Variants in METTL15 observed in about 807,000 individuals in gnomAD.
The protein encoded by METTL15 is 12S rRNA N(4)-cytidine methyltransferase METTL15.
In METTL15, 34 loss-of-function variants were observed where a neutral mutation model predicts 38.3. That is an observed-to-expected ratio of 0.89 (90% CI 0.68 to 1.18). The LOEUF (loss-of-function observed/expected upper bound fraction) is 1.18. Among genes scored for constraint, METTL15 ranks in the 50% most tolerant of loss-of-function variants. The pLI is 0.00. For synonymous variants in METTL15, 162 were observed against 170.9 expected (o/e 0.95, Z 0.41); for missense variants, 438 against 498.4 (o/e 0.88, Z 1.15).
At chr11:28,268,023 C>T (rs1855495311) in intron 4 of METTL15, among the ~76,000 whole-genome samples, 3 of 151,408 alleles carry the variant, frequency 2.0e-5, no homozygotes, top group South Asian at 4.2e-4. Flanking sequence ...CGGTGAAACC[C>T]CGTCTCTACT....
At chr11:28,367,682 T>C (rs933659207) in intron 5 of METTL15, among the ~76,000 whole-genome samples, 72 of 152,134 alleles carry the variant, frequency 4.7e-4, no homozygotes, top group Non-Finnish European at 1.2e-4. Context: ...GGCATCGTGC[T>C]ACCTGACTTC....
chr11:28,286,864 C>A (rs1288879332), intron 4 of METTL15, among the ~76,000 whole-genome samples: 1 of 151,514 alleles, frequency 6.6e-6, no homozygotes, highest in Non-Finnish European at 1.5e-5. Flanking sequence ...AGAAACAGAA[C>A]CAGTAGTATG....
At chr11:28,298,747 A>G (rs1162156648) in intron 6 of METTL15, among the ~76,000 whole-genome samples, 2 of 152,124 alleles carry the variant, frequency 1.3e-5, no homozygotes, top group Non-Finnish European at 2.9e-5. Flanking sequence ...CCATTGAAAC[A>G]TTGAGTTATC....
intron 4 of METTL15, among the ~76,000 whole-genome samples, chr11:28,235,143 C>A (rs1377706813): frequency 2.0e-5 from 3 of 152,068 alleles, no homozygotes; most frequent in African/African-American, 7.2e-5. Context: ...TCTGAGGGGT[C>A]TGTTCTGTTC....
intron 5 of METTL15, among the ~76,000 whole-genome samples, chr11:28,413,002 TA>T (rs927099737): frequency 6.6e-6 from 1 of 152,074 alleles, no homozygotes; most frequent in African/African-American, 2.4e-5. Context: ...TCTATATGCA[TA>T]AAATGTAATA....
chr11:28,470,889 G>A (rs1348809163), intron 6 of METTL15, among the ~76,000 whole-genome samples: 1 of 152,078 alleles, frequency 6.6e-6, no homozygotes, highest in East Asian at 1.9e-4. Flanking sequence ...CTCATTTTAA[G>A]ATAATTTCTT....
At chr11:28,114,447 C>T (rs1370290099) in intron 3 of METTL15, among the ~76,000 whole-genome samples, 2 of 151,970 alleles carry the variant, frequency 1.3e-5, no homozygotes, top group Non-Finnish European at 2.9e-5. Flanking sequence ...CATTCGTGTA[C>T]AAGTTTTCTT....
chr11:28,469,683 A>G (rs1335436699), intron 6 of METTL15, among the ~76,000 whole-genome samples: 2 of 152,282 alleles, frequency 1.3e-5, no homozygotes, highest in Non-Finnish European at 2.9e-5. Context: ...CAGAGCTGTT[A>G]CAAGAATGTC....
chr11:28,381,640 T>C (rs1564913775), intron 5 of METTL15, among the ~76,000 whole-genome samples: 1 of 152,164 alleles, frequency 6.6e-6, no homozygotes, highest in African/African-American at 2.4e-5. Flanking sequence ...CTTTCTTCTG[T>C]TGAGAGCCTC....
intron 5 of METTL15, among the ~76,000 whole-genome samples, chr11:28,404,193 A>T (rs1307494541): frequency 1.3e-5 from 2 of 152,134 alleles, no homozygotes; most frequent in Non-Finnish European, 2.9e-5. Flanking sequence ...CTCTCTCCAG[A>T]AAAATAAATG....
intron 6 of METTL15, among the ~76,000 whole-genome samples, chr11:28,521,209 A>T (rs1851762306): frequency 6.6e-6 from 1 of 152,204 alleles, no homozygotes; most frequent in South Asian, 2.1e-4. Flanking sequence ...GGAAGATTCC[A>T]TTCTAATCAG....
chr11:28,230,745 T>G (rs1331687012), intron 4 of METTL15, among the ~76,000 whole-genome samples: 1 of 151,922 alleles, frequency 6.6e-6, no homozygotes. Flanking sequence ...GCCTGATATT[T>G]AAAGTAAAAC....
chr11:28,248,540 T>A (rs1590216247), intron 4 of METTL15, among the ~76,000 whole-genome samples: 1 of 152,164 alleles, frequency 6.6e-6, no homozygotes, highest in Middle Eastern at 3.4e-3. Flanking sequence ...TTTAATTTTA[T>A]TCCATTGTAT....
chr11:28,348,113 G>A (rs7934085), intron 3 of METTL15, among the ~76,000 whole-genome samples: 6 of 151,908 alleles, frequency 3.9e-5, no homozygotes, highest in Admixed American at 2.0e-4. Context: ...TTAAGATTAC[G>A]TCCACCAGGT....
chr11:28,519,550 G>A (rs574071614), intron 6 of METTL15, among the ~76,000 whole-genome samples: 4 of 118,532 alleles, frequency 3.4e-5, no homozygotes, highest in Non-Finnish European at 5.8e-5. Flanking sequence ...GTGAGGCTCC[G>A]TCTCAAAAAA....
intron 5 of METTL15, among the ~76,000 whole-genome samples, chr11:28,399,875 T>C (rs185039695): frequency 9.0e-4 from 137 of 152,040 alleles, no homozygotes; most frequent in African/African-American, 3.2e-3. Context: ...GTTAACATAA[T>C]CAGGGAGAAT....
At chr11:28,192,598 G>C (rs969452928) in intron 3 of METTL15, among the ~76,000 whole-genome samples, 3 of 151,960 alleles carry the variant, frequency 2.0e-5, no homozygotes, top group Non-Finnish European at 2.9e-5. Context: ...TGTAATAGTG[G>C]TTATACTTCT....
intron 5 of METTL15, among the ~76,000 whole-genome samples, chr11:28,376,138 A>G (rs974298709): frequency 1.3e-5 from 2 of 151,566 alleles, no homozygotes; most frequent in African/African-American, 4.8e-5. Flanking sequence ...AAAAATGTAT[A>G]TTCTGTTGAT....
intron 3 of METTL15, among the ~76,000 whole-genome samples, chr11:28,206,289 A>C (rs1056483242): frequency 6.6e-6 from 1 of 151,616 alleles, no homozygotes; most frequent in Non-Finnish European, 1.5e-5. Flanking sequence ...TTTGTATAAG[A>C]TGTAAGGAAG....
Sources: gnomAD v4.1 joint callset for allele counts (sites outside exome capture counted in the v4.1 genomes callset) on GRCh38, gnomAD v4.1.1 for gene constraint, MANE v1.5 for transcripts, NCBI Gene and HGNC (gene_info 2026-07-23, HGNC 2026-07-21) for gene names.